Variants in NOS1 observed in about 807,000 individuals in gnomAD.
NOS1 encodes NOS type I.
In NOS1, 51 loss-of-function variants were observed where a neutral mutation model predicts 164.5. That is an observed-to-expected ratio of 0.31 (90% CI 0.25 to 0.39). The LOEUF (loss-of-function observed/expected upper bound fraction) is 0.39. NOS1 is among the 10% of genes least tolerant of loss of function. The pLI is 1.00. For synonymous variants in NOS1, 719 were observed against 745.8 expected (o/e 0.96, Z 0.59); for missense variants, 1,362 against 1,885.6 (o/e 0.72, Z 5.14).
At chr12:117,236,458 T>C (rs764340475) in intron 20 of NOS1, among the ~76,000 whole-genome samples, 2 of 152,176 alleles carry the variant, frequency 1.3e-5, no homozygotes, top group Non-Finnish European at 2.9e-5. Flanking sequence ...GCCCTTAGCA[T>C]AGTGGGGAAC....
chr12:117,240,421 G>A (rs935544427), intron 20 of NOS1, among the ~76,000 whole-genome samples: 5 of 152,212 alleles, frequency 3.3e-5, no homozygotes, highest in Non-Finnish European at 7.3e-5. Flanking sequence ...GGATGGATAA[G>A]GAATACGGAT....
At chr12:117,283,288 T>C (rs1873840071) in intron 7 of NOS1, among the ~76,000 whole-genome samples, 1 of 152,094 alleles carries the variant, frequency 6.6e-6, no homozygotes, top group Non-Finnish European at 1.5e-5. Flanking sequence ...TCTCAAACTC[T>C]TGAGCTCAAG....
intron 28 of NOS1, among the ~76,000 whole-genome samples, chr12:117,215,869 CTTTT>C (rs34665031): frequency 4.7e-5 from 4 of 85,414 alleles, no homozygotes; most frequent in Admixed American, 1.6e-4. Context: ...TTTAAAAGGA[CTTTT>C]TTTTTTTTTT....
Position 117,260,629 on chromosome 12 carries a change from G to A in NOS1, c.2223-20C>T. The A allele has an allele frequency of 6.2e-7, 1 of 1,602,180 alleles. No homozygotes were observed. On this transcript the variant is annotated intron_variant, in intron 13 of 28. Transcript: ENST00000317775. ...ACAGCTCTGGAGGGAAGAGGATGGA[G>A]ATGAAAAATGGGCAACAGAAAAGGG...
At chr12:117,316,742 G>A (rs974814997) in intron 2 of NOS1, among the ~76,000 whole-genome samples, 6 of 152,190 alleles carry the variant, frequency 3.9e-5, no homozygotes, top group Non-Finnish European at 8.8e-5. Flanking sequence ...TATGTGGGGG[G>A]CCTCTGGGAG....
chr12:117,331,733 G>A (rs1246053250), intron 1 of NOS1, among the ~76,000 whole-genome samples: 1 of 152,086 alleles, frequency 6.6e-6, no homozygotes, highest in Non-Finnish European at 1.5e-5. Flanking sequence ...GGGACAAAAG[G>A]GTCTCCCTGG....
chr12:117,222,554 T>C (rs985029341), intron 26 of NOS1, among the ~76,000 whole-genome samples, 161 bp downstream of exon 26: 22 of 152,206 alleles, frequency 1.4e-4, no homozygotes, highest in African/African-American at 4.8e-5. Context: ...TTAAATATTT[T>C]ACATAGATAT....
intron 3 of NOS1, among the ~76,000 whole-genome samples, chr12:117,306,408 G>A (rs927578720): frequency 8.3e-5 from 3 of 36,252 alleles, no homozygotes; most frequent in African/African-American, 3.9e-4. Context: ...TTCTTCCAGC[G>A]CTGAGTTTGT....
At chr12:117,265,140 C>T (rs536062905) in intron 12 of NOS1, among the ~76,000 whole-genome samples, 176 bp downstream of exon 12, 1 of 152,292 alleles carries the variant, frequency 6.6e-6, no homozygotes, top group Non-Finnish European at 1.5e-5. Flanking sequence ...GCCATCATGT[C>T]GGCCTCATAT....
intron 11 of NOS1, among the ~76,000 whole-genome samples, chr12:117,265,753 C>T (rs550428445): frequency 6.6e-5 from 10 of 152,050 alleles, no homozygotes; most frequent in African/African-American, 2.2e-4. Context: ...CAATCTTCCT[C>T]TCTCCCATCC....
intron 7 of NOS1, among the ~76,000 whole-genome samples, chr12:117,283,660 A>G (rs746576444): frequency 9.2e-5 from 14 of 152,078 alleles, no homozygotes; most frequent in Non-Finnish European, 1.9e-4. Flanking sequence ...GTTTGAAACT[A>G]GCCTGGCCAA....
At chr12:117,360,030 G>A (rs534293209) in intron 1 of NOS1, among the ~76,000 whole-genome samples, 14 of 148,896 alleles carry the variant, frequency 9.4e-5, no homozygotes, top group Non-Finnish European at 1.6e-4. Flanking sequence ...GAAAAAGGTA[G>A]TTTCTCCATT....
intron 22 of NOS1, among the ~76,000 whole-genome samples, chr12:117,229,507 G>A (rs1409776152): frequency 6.6e-6 from 1 of 150,516 alleles, no homozygotes; most frequent in African/African-American, 2.4e-5. Context: ...ATCCTGTCTT[G>A]AAGTCTGCAC....
At chr12:117,299,615 G>A (rs1387486038) in intron 3 of NOS1, among the ~76,000 whole-genome samples, 1 of 149,682 alleles carries the variant, frequency 6.7e-6, no homozygotes, top group Non-Finnish European at 1.5e-5. Flanking sequence ...CTCCAGCCTG[G>A]GCGACTGAGA....
intron 7 of NOS1, 114 bp downstream of exon 7, chr12:117,285,127 G>A (rs536288711): frequency 9.9e-5 from 44 of 446,038 alleles, no homozygotes; most frequent in Middle Eastern, 9.8e-4. Flanking sequence ...AGCTTGGCCC[G>A]TGTCCCTGAG....
intron 16 of NOS1, among the ~76,000 whole-genome samples, chr12:117,257,843 T>C (rs1871585703): frequency 6.6e-6 from 1 of 150,782 alleles, no homozygotes; most frequent in Non-Finnish European, 1.5e-5. Flanking sequence ...TTGCTCTTGT[T>C]GCCCAGGCTG....
intron 1 of NOS1, among the ~76,000 whole-genome samples, chr12:117,353,557 G>A (rs2136096245): frequency 1.3e-5 from 2 of 152,262 alleles, no homozygotes; most frequent in South Asian, 4.1e-4. Context: ...TCTAAACAAT[G>A]ACAATTCAAG....
rs887336628 is a variant in NOS1, at chr12:117,221,002, C to G, written c.3976-733G>C. Among the ~76,000 whole-genome samples the G allele has an allele frequency of 6.6e-5, 10 of 152,200 alleles. No individual in the cohort carries two copies. In the South Asian group the frequency reaches 1.0e-3, roughly 16 times the overall value. ...CTGCCCGGACTCTCTGAGTGCCCCC[C>G]CAACCTGCCACGATGTCCTGACTCC... On this transcript the variant is annotated intron_variant, in intron 26 of 28. Coordinates refer to ENST00000317775, the MANE Select transcript of NOS1 (RefSeq NM_000620.5).
chr12:117,233,296 G>C (rs977142742), intron 21 of NOS1, among the ~76,000 whole-genome samples: 1 of 151,766 alleles, frequency 6.6e-6, no homozygotes, highest in Admixed American at 6.6e-5. Flanking sequence ...TGATCCACCT[G>C]CCTCAGCCTC....
Sources: gnomAD v4.1 joint callset for allele counts (sites outside exome capture counted in the v4.1 genomes callset) on GRCh38, gnomAD v4.1.1 for gene constraint, MANE v1.5 for transcripts, NCBI Gene and HGNC (gene_info 2026-07-23, HGNC 2026-07-21) for gene names.